Variants in GPR39 observed in about 807,000 individuals in gnomAD.
The protein encoded by GPR39 is G protein-coupled receptor 39, also known as zinc sensing receptor.
Under a neutral mutation model 18.4 loss-of-function variants are expected in GPR39, and 23 were observed. That is an observed-to-expected ratio of 1.25 (90% CI 0.90 to 1.77). The LOEUF (loss-of-function observed/expected upper bound fraction) is 1.77. GPR39 is among the 40% of genes most tolerant of loss of function. The pLI, the probability that GPR39 is intolerant of heterozygous loss-of-function variation, is 0.00. For synonymous variants in GPR39, 280 were observed against 257.9 expected, an observed-to-expected ratio of 1.09 and a Z score of -0.82; for missense variants, 647 against 602.4, an observed-to-expected ratio of 1.07 and a Z score of -0.78.
chr2:132,573,359 C>T (rs1289583855), intron 1 of GPR39, among the ~76,000 whole-genome samples: 2 of 152,108 alleles, frequency 1.3e-5, no homozygotes, highest in Admixed American at 6.5e-5. Flanking sequence ...TGTTGACCAA[C>T]ACCTTGGATT....
chr2:132,480,589 G>A (rs2104789134), intron 1 of GPR39, among the ~76,000 whole-genome samples: 1 of 152,246 alleles, frequency 6.6e-6, no homozygotes, highest in African/African-American at 2.4e-5. Context: ...TCTCAAGATA[G>A]AATTAGTAGG....
intron 1 of GPR39, among the ~76,000 whole-genome samples, chr2:132,616,588 G>T (rs936552056): frequency 5.9e-5 from 9 of 152,120 alleles, no homozygotes; most frequent in African/African-American, 1.9e-4. Flanking sequence ...AGAATAAAAT[G>T]CTTCTCTCTC....
chr2:132,444,877 A>G (rs114849764), intron 1 of GPR39, among the ~76,000 whole-genome samples: 1,999 of 152,254 alleles, frequency 0.013, 42 homozygotes, highest in African/African-American at 0.045. Flanking sequence ...GTGGACAAAT[A>G]TTGAGTCAGT....
chr2:132,425,223 A>G (rs888612855), intron 1 of GPR39, among the ~76,000 whole-genome samples: 2 of 152,158 alleles, frequency 1.3e-5, no homozygotes, highest in Non-Finnish European at 2.9e-5. Context: ...ACGACAGCCT[A>G]TACTGATGTT....
intron 1 of GPR39, among the ~76,000 whole-genome samples, chr2:132,496,722 T>C (rs1573632095): frequency 6.6e-6 from 1 of 152,352 alleles, no homozygotes; most frequent in East Asian, 1.9e-4. Context: ...TCAACTCCAC[T>C]TTCCCCCATG....
chr2:132,636,903 C>A (rs575987406), intron 1 of GPR39, among the ~76,000 whole-genome samples: 1 of 152,280 alleles, frequency 6.6e-6, no homozygotes, highest in Admixed American at 6.5e-5. Flanking sequence ...ACATCATGCT[C>A]CTCATTACCA....
chr2:132,558,675 A>G (rs1680196917), intron 1 of GPR39, among the ~76,000 whole-genome samples: 1 of 152,162 alleles, frequency 6.6e-6, no homozygotes, highest in Non-Finnish European at 1.5e-5. Flanking sequence ...AGATACATGA[A>G]GGTGGATTTC....
intron 1 of GPR39, among the ~76,000 whole-genome samples, chr2:132,506,649 G>T (rs1165907293): frequency 6.6e-6 from 1 of 152,100 alleles, no homozygotes. Flanking sequence ...AAGGGGGAAG[G>T]CCCTTATAAA....
intron 1 of GPR39, among the ~76,000 whole-genome samples, chr2:132,460,577 G>T (rs1680812655): frequency 6.6e-6 from 1 of 152,176 alleles, no homozygotes; most frequent in African/African-American, 2.4e-5. Context: ...ACCCCAGTCA[G>T]TAGGAGACTC....
Position 132,633,338 on chromosome 2 carries a change from CTGTGTGTGTGTGTGTG to C in GPR39, c.857-11733_857-11718del, listed in dbSNP as rs55722602. Among the ~76,000 whole-genome samples the C allele has an allele frequency of 3.6e-4, 50 of 139,200 alleles. 1 individual carries two copies. Among genetic ancestry groups the C allele is most frequent in the South Asian group, 1.5e-3 (6 of 3,982 alleles). The allele number at this position is 139,200 out of a possible 152,430, so 91.3% of individuals were successfully genotyped here. On this transcript the variant is annotated intron_variant, in intron 1 of 1. Coordinates refer to ENST00000329321, the MANE Select transcript of GPR39 (RefSeq NM_001508.3). ...CCTTATCTTTAAACTCCAAATACCT[CTGTGTGTGTGTGTGTG>C]TGTGTGTGTGTGTGTGTGTGTGTGT...
intron 1 of GPR39, among the ~76,000 whole-genome samples, chr2:132,431,623 G>A (rs1680224836): frequency 1.3e-5 from 2 of 152,122 alleles, no homozygotes; most frequent in African/African-American, 2.4e-5. Context: ...TCTTGGTGAT[G>A]TTTTTTTGAA....
chr2:132,510,827 T>C (rs750202658), intron 1 of GPR39, among the ~76,000 whole-genome samples: 1 of 152,226 alleles, frequency 6.6e-6, no homozygotes, highest in Non-Finnish European at 1.5e-5. Context: ...TGCCTCAAGA[T>C]GATCTTTACC....
chr2:132,605,305 AAG>A (rs1409339615), intron 1 of GPR39, among the ~76,000 whole-genome samples: 1 of 152,210 alleles, frequency 6.6e-6, no homozygotes, highest in East Asian at 1.9e-4. Context: ...AGGCTGGAGT[AAG>A]AGGAGATGAG....
At chr2:132,640,716 G>T (rs919995935) in intron 1 of GPR39, among the ~76,000 whole-genome samples, 1 of 152,190 alleles carries the variant, frequency 6.6e-6, no homozygotes, top group East Asian at 1.9e-4. Context: ...CTCTATTAGG[G>T]CGTGAATAAG....
At position 132,645,614 on chromosome 2, in the gene GPR39, G is replaced by C; in HGVS notation, c.*8G>C. On this transcript the variant is annotated 3_prime_UTR_variant, in exon 2 of 2. Transcript: ENST00000329321. ...CAGGAGCATGAAGTTTGAATGTCAA[G>C]CGAGGGAGCCTTGAGTGGGAACTGG... 1 of 1,605,668 alleles carries C rather than the reference G, an allele frequency of 6.2e-7. No homozygotes were observed. Among genetic ancestry groups the C allele is most frequent in the Non-Finnish European group, 8.5e-7 (1 of 1,175,654 alleles).
intron 1 of GPR39, among the ~76,000 whole-genome samples, chr2:132,598,057 G>T (rs181817516): frequency 1.4e-4 from 21 of 152,302 alleles, no homozygotes; most frequent in African/African-American, 4.8e-4. Context: ...CTGCAAGTCG[G>T]GGCCACAGAA....
intron 1 of GPR39, among the ~76,000 whole-genome samples, chr2:132,558,429 A>T (rs73957923): frequency 0.039 from 5,970 of 152,186 alleles, 384 homozygotes; most frequent in African/African-American, 0.13. Flanking sequence ...TTGACAAATT[A>T]TTTTTTGAGG....
At chr2:132,610,097 G>T (rs188739065) in intron 1 of GPR39, among the ~76,000 whole-genome samples, 62 of 152,148 alleles carry the variant, frequency 4.1e-4, no homozygotes, top group African/African-American at 1.4e-3. Flanking sequence ...TGCATGCATG[G>T]AATGGTCTGG....
intron 1 of GPR39, among the ~76,000 whole-genome samples, chr2:132,603,933 G>A (rs1489903858): frequency 6.6e-6 from 1 of 152,104 alleles, no homozygotes; most frequent in Admixed American, 6.5e-5. Context: ...GTGGGGAGTG[G>A]GAGGGACAGG....
Sources: allele counts gnomAD v4.1 joint callset (sites outside exome capture counted in the v4.1 genomes callset), GRCh38; gene constraint gnomAD v4.1.1; transcripts MANE v1.5; gene names NCBI Gene and HGNC (gene_info 2026-07-23, HGNC 2026-07-21).